GRM8: variants seen among roughly 807,000 people sequenced by gnomAD.
GRM8 encodes the protein glutamate metabotropic receptor 8, also known as metabotropic glutamate receptor 8.
A neutral mutation model predicts 87.2 loss-of-function variants in GRM8; 47 were observed. The ratio of observed to expected loss-of-function variants is 0.54; its 90% CI spans 0.43 to 0.69. The LOEUF (loss-of-function observed/expected upper bound fraction) is 0.69, where lower values mean the gene tolerates loss of function less well. GRM8 is among the 30% of genes least tolerant of loss of function. The pLI is 0.00. For synonymous variants in GRM8, 396 were observed against 404.5 expected (o/e 0.98, Z 0.25); for missense variants, 1,019 against 1,139.2 (o/e 0.89, Z 1.52).
intron 3 of GRM8, among the ~76,000 whole-genome samples, chr7:127,098,817 C>T (rs1347404591): frequency 6.6e-6 from 1 of 152,124 alleles, no homozygotes; most frequent in Non-Finnish European, 1.5e-5. Context: ...AGAATCAGGT[C>T]TATTCTGCCC....
intron 3 of GRM8, among the ~76,000 whole-genome samples, chr7:126,959,083 G>A (rs1424952374): frequency 6.6e-6 from 1 of 152,326 alleles, no homozygotes; most frequent in South Asian, 2.1e-4. Flanking sequence ...AGGCCAATGA[G>A]CTTTAACAGA....
chr7:127,222,235 A>C (rs1455163604), intron 2 of GRM8, among the ~76,000 whole-genome samples: 1 of 152,206 alleles, frequency 6.6e-6, no homozygotes, highest in Non-Finnish European at 1.5e-5. Context: ...GCAAAATCCC[A>C]TCTTTGCAAA....
chr7:126,922,667 G>A (rs1359339867), intron 3 of GRM8, among the ~76,000 whole-genome samples: 1 of 152,042 alleles, frequency 6.6e-6, no homozygotes, highest in Admixed American at 6.6e-5. Flanking sequence ...GTTTGGATGT[G>A]TCCTCACCCA....
At chr7:126,613,699 G>A (rs755038568) in intron 7 of GRM8, among the ~76,000 whole-genome samples, 45 of 152,344 alleles carry the variant, frequency 3.0e-4, no homozygotes, top group African/African-American at 9.1e-4. Context: ...CTTTTCCAAC[G>A]GTCTTAGCAA....
At chr7:126,555,145 G>A (rs534696037) in intron 8 of GRM8, among the ~76,000 whole-genome samples, 20 of 152,230 alleles carry the variant, frequency 1.3e-4, no homozygotes, top group Admixed American at 1.0e-3. Flanking sequence ...CAAAACAGAC[G>A]CAATTTATCT....
At chr7:126,673,921 G>C (rs1221541620) in intron 7 of GRM8, among the ~76,000 whole-genome samples, 1 of 152,066 alleles carries the variant, frequency 6.6e-6, no homozygotes, top group African/African-American at 2.4e-5. Flanking sequence ...GTTGGCGTTC[G>C]ATTAGCCTTC....
At chr7:126,880,396 T>C (rs1482705697) in intron 6 of GRM8, among the ~76,000 whole-genome samples, 1 of 152,230 alleles carries the variant, frequency 6.6e-6, no homozygotes, top group Non-Finnish European at 1.5e-5. Context: ...AGTCTGATCA[T>C]CTGGAAACTA....
At chr7:127,246,822 G>A (rs1288925668) in intron 1 of GRM8, among the ~76,000 whole-genome samples, 1 of 152,192 alleles carries the variant, frequency 6.6e-6, no homozygotes, top group South Asian at 2.1e-4. Flanking sequence ...ATCTAACACA[G>A]TATCTCCATA....
At chr7:126,703,686 A>G (rs1810185382) in intron 7 of GRM8, among the ~76,000 whole-genome samples, 1 of 152,118 alleles carries the variant, frequency 6.6e-6, no homozygotes, top group South Asian at 2.1e-4. Context: ...CAATCTTTCA[A>G]GTGTCTAGGA....
chr7:126,880,568 T>A (rs1161334034), intron 6 of GRM8, among the ~76,000 whole-genome samples: 1 of 152,228 alleles, frequency 6.6e-6, no homozygotes, highest in Non-Finnish European at 1.5e-5. Context: ...TGCCACTTGA[T>A]CTAATGTTAC....
intron 3 of GRM8, among the ~76,000 whole-genome samples, chr7:126,954,680 C>T (rs1001891227): frequency 6.6e-6 from 1 of 152,112 alleles, no homozygotes; most frequent in African/African-American, 2.4e-5. Flanking sequence ...CCTCATCTGT[C>T]AACTGAGATA....
At chr7:126,936,916 T>C (rs1201694239) in intron 3 of GRM8, among the ~76,000 whole-genome samples, 1 of 152,196 alleles carries the variant, frequency 6.6e-6, no homozygotes, top group Non-Finnish European at 1.5e-5. Context: ...CTTTCACAAA[T>C]CTCTGTTACA....
Position 127,240,886 on chromosome 7 carries a change from G to C in GRM8, c.510+1809C>G, listed in dbSNP as rs1380023606. Among the ~76,000 whole-genome samples, 4 of 152,010 alleles carry C rather than the reference G, an allele frequency of 2.6e-5. No individual in the cohort carries two copies. In the East Asian group the frequency reaches 5.8e-4, roughly 22 times the overall value. On this transcript the variant is annotated intron_variant, in intron 2 of 10. Coordinates refer to ENST00000339582, the MANE Select transcript of GRM8 (RefSeq NM_000845.3). ...GTTCCACATCTTCCCTCTAAGCAAGGAGTCCCTCTTACTAAGAGAAATGGT... is the reference window on the plus strand; with the variant it reads ...GTTCCACATCTTCCCTCTAAGCAAGCAGTCCCTCTTACTAAGAGAAATGGT...
chr7:126,478,776 G>A (rs1806301629), intron 9 of GRM8, among the ~76,000 whole-genome samples: 1 of 152,098 alleles, frequency 6.6e-6, no homozygotes, highest in Admixed American at 6.5e-5. Context: ...AACACTAAAT[G>A]GCTGTGCTAA....
At chr7:126,798,092 C>G (rs1222502418) in intron 6 of GRM8, among the ~76,000 whole-genome samples, 1 of 152,084 alleles carries the variant, frequency 6.6e-6, no homozygotes, top group African/African-American at 2.4e-5. Context: ...AGAATTCTTT[C>G]CCATATTTAC....
At chr7:126,793,106 A>T (rs1457617746) in intron 6 of GRM8, among the ~76,000 whole-genome samples, 1 of 152,194 alleles carries the variant, frequency 6.6e-6, no homozygotes, top group Non-Finnish European at 1.5e-5. Context: ...TGCTGCTTGA[A>T]GATTTTTCAT....
intron 6 of GRM8, among the ~76,000 whole-genome samples, chr7:126,820,965 G>T (rs1164236611): frequency 6.6e-6 from 1 of 152,204 alleles, no homozygotes; most frequent in East Asian, 1.9e-4. Flanking sequence ...GCCGGGCATG[G>T]TGGCACACAC....
chr7:126,615,615 G>A (rs1438093377), intron 7 of GRM8, among the ~76,000 whole-genome samples: 2 of 152,144 alleles, frequency 1.3e-5, no homozygotes, highest in Non-Finnish European at 2.9e-5. Context: ...TCAGAGTGCT[G>A]TATTCAGGAG....
rs772501118 is a variant in GRM8, at chr7:126,904,146, T to C, written c.864-20A>G. On this transcript the variant is annotated intron_variant, in intron 4 of 10. Coordinates refer to ENST00000339582, the MANE Select transcript of GRM8 (RefSeq NM_000845.3). ...ATCCTCCTACAGGAATAAAAATAAA[T>C]AATGCATATCACATGTATTAAAAAT... 2.5e-6 allele frequency: 4 copies of C among 1,585,776 alleles called. No individual in the cohort carries two copies. The highest frequency in any genetic ancestry group is 3.5e-6 in the Non-Finnish European group (4 of 1,156,646).
Sources: allele counts gnomAD v4.1 joint callset (sites outside exome capture counted in the v4.1 genomes callset), GRCh38; gene constraint gnomAD v4.1.1; transcripts MANE v1.5; gene names NCBI Gene and HGNC (gene_info 2026-07-23, HGNC 2026-07-21).